CNTNAP3B: variants seen among roughly 807,000 people sequenced by gnomAD.
The protein encoded by CNTNAP3B is contactin associated protein family member 3B, also known as contactin-associated protein-like 3B.
A neutral mutation model predicts 108.9 loss-of-function variants in CNTNAP3B; 25 were observed. The ratio of observed to expected loss-of-function variants is 0.23; its 90% CI spans 0.17 to 0.32. The LOEUF is 0.32. Ranked by LOEUF, CNTNAP3B falls within the 10% of genes least tolerant of loss-of-function variation. CNTNAP3B has a pLI of 1.00. For synonymous variants in CNTNAP3B, 103 were observed against 473.4 expected (o/e 0.22, Z 10.16); for missense variants, 252 against 1,210.4 (o/e 0.21, Z 11.75).
chr9:41,939,229 G>A (rs1200949710), intron 13 of CNTNAP3B, among the ~76,000 whole-genome samples: 2 of 152,290 alleles, frequency 1.3e-5, no homozygotes, highest in Admixed American at 1.3e-4. Flanking sequence ...TCTTAAAAAA[G>A]GAAAGGGGTC....
intron 13 of CNTNAP3B, among the ~76,000 whole-genome samples, chr9:41,944,018 G>A (rs1320546688): frequency 6.6e-6 from 1 of 152,164 alleles, no homozygotes; most frequent in Non-Finnish European, 1.5e-5. Flanking sequence ...AACCATGCAA[G>A]CAAGAAGAAA....
At chr9:41,933,314 G>A (rs1162165818) in intron 14 of CNTNAP3B, among the ~76,000 whole-genome samples, 7 of 152,418 alleles carry the variant, frequency 4.6e-5, no homozygotes, top group South Asian at 4.1e-4. Flanking sequence ...CTTCCTCTCT[G>A]TGTGATGACA....
In CNTNAP3B at chr9:42,097,031, C is replaced by T. The variant is rs558211541; in HGVS notation, c.196+7598G>A. On this transcript the variant is annotated intron_variant, in intron 2 of 23. Coordinates refer to ENST00000377561, the MANE Select transcript of CNTNAP3B (RefSeq NM_001201380.3). ...CCTCCCAAAGTGCTGGGATTACAGG[C>T]GTGAACCACTGTGCCCGGTCCCGCA... Among the ~76,000 whole-genome samples, 4 of 137,816 alleles carry T rather than the reference C, an allele frequency of 2.9e-5. 1 individual carries two copies. Among genetic ancestry groups the T allele is most frequent in the East Asian group, 4.4e-4 (2 of 4,548 alleles). The allele number at this position is 137,816 out of a possible 152,430, so 90.4% of individuals were successfully genotyped here. A position where few individuals can be genotyped will look rare whatever the true frequency, so the allele number is the denominator to read the frequency against.
In CNTNAP3B at chr9:42,099,804, G is replaced by A. The variant is rs1297712297; in HGVS notation, c.196+4825C>T. Reference sequence around the variant, plus strand: ...ACTTCGTTAGACCATGAAAACACACGGGTTATCCTTGCAAAAAAGCATATA... The same window carrying A: ...ACTTCGTTAGACCATGAAAACACACAGGTTATCCTTGCAAAAAAGCATATA... On this transcript the variant is annotated intron_variant, in intron 2 of 23. Coordinates refer to ENST00000377561, the MANE Select transcript of CNTNAP3B (RefSeq NM_001201380.3). Among the ~76,000 whole-genome samples, 2 of 86,838 alleles carry A rather than the reference G, an allele frequency of 2.3e-5. 1 individual carries two copies. Among genetic ancestry groups the A allele is most frequent in the African/African-American group, 8.6e-5 (2 of 23,200 alleles). The allele number at this position is 86,838 out of a possible 152,430, so 57.0% of individuals were successfully genotyped here. A position where few individuals can be genotyped will look rare whatever the true frequency, so the allele number is the denominator to read the frequency against.
intron 3 of CNTNAP3B, among the ~76,000 whole-genome samples, chr9:42,054,438 A>G (rs534157764): frequency 6.6e-6 from 1 of 151,580 alleles, no homozygotes; most frequent in Admixed American, 6.6e-5. Flanking sequence ...CACGAGGTTC[A>G]GCCTTATAGT....
At chr9:41,974,382 TGAGAGTGGAGAC>T (rs376394633) in intron 9 of CNTNAP3B, 3 of 406,804 alleles carry the variant, frequency 7.4e-6, no homozygotes, top group African/African-American at 3.0e-5. Context: ...TACGATGGCC[TGAGAGTGGAGAC>T]CAGTGACTCA....
intron 18 of CNTNAP3B, among the ~76,000 whole-genome samples, chr9:41,916,504 A>C (rs1444570525): frequency 1.3e-5 from 2 of 152,194 alleles, no homozygotes; most frequent in East Asian, 1.9e-4. Flanking sequence ...TATTTCCTCT[A>C]ATGCAGGCTA....
intron 3 of CNTNAP3B, among the ~76,000 whole-genome samples, chr9:42,060,077 A>G (rs1235199232): frequency 6.8e-6 from 1 of 147,678 alleles, no homozygotes; most frequent in East Asian, 2.0e-4. Flanking sequence ...AGAAGTGGTG[A>G]TAGTGGGCAT....
intron 3 of CNTNAP3B, among the ~76,000 whole-genome samples, chr9:42,067,528 T>G (rs1336828948): frequency 1.3e-5 from 2 of 152,158 alleles, no homozygotes; most frequent in Non-Finnish European, 2.9e-5. Flanking sequence ...AATCTTATTT[T>G]TCCTCACACA....
Position 41,977,661 on chromosome 9 carries a change from A to C in CNTNAP3B, c.1478-7416T>G, listed in dbSNP as rs1394381382. ...GAGACGGCGTCTCACTCTGTCACCC[A>C]GGCTGGAGTGCAGTGGCGCAGTCTC... On this transcript the variant is annotated intron_variant, in intron 9 of 23. Coordinates refer to ENST00000377561, the MANE Select transcript of CNTNAP3B (RefSeq NM_001201380.3). Among the ~76,000 whole-genome samples the C allele has an allele frequency of 1.5e-4, 19 of 127,690 alleles. 1 individual carries two copies. The highest frequency in any genetic ancestry group is 5.8e-4 in the African/African-American group (18 of 30,830). 83.8% of individuals were successfully genotyped at this position (127,690 alleles called of 152,430 possible).
rs1308019436 is a variant in CNTNAP3B, at chr9:41,943,792, A to G, written c.2081-5392T>C. Among the ~76,000 whole-genome samples the G allele has an allele frequency of 2.6e-4, 39 of 152,384 alleles. No homozygotes were observed. In the East Asian group the frequency reaches 7.1e-3, roughly 28 times the overall value. ...GTTTCAAAATTAATGACAGACATGA[A>G]ACCATAGGTTCAGGAATCTCAGCAA... On this transcript the variant is annotated intron_variant, in intron 13 of 23. Coordinates refer to ENST00000377561, the MANE Select transcript of CNTNAP3B (RefSeq NM_001201380.3).
intron 11 of CNTNAP3B, among the ~76,000 whole-genome samples, chr9:41,962,749 A>T (rs1169531232): frequency 4.0e-5 from 6 of 151,736 alleles, no homozygotes; most frequent in Admixed American, 3.3e-4. Context: ...AGGTCAGGAG[A>T]TCGAGACCAT....
intron 18 of CNTNAP3B, among the ~76,000 whole-genome samples, chr9:41,919,373 C>T (rs1427901112): frequency 6.6e-6 from 1 of 151,790 alleles, no homozygotes; most frequent in East Asian, 1.9e-4. Flanking sequence ...CTTGGCCTCC[C>T]AAAGTGCTGG....
chr9:42,112,173 C>G (rs1229792113), intron 1 of CNTNAP3B, among the ~76,000 whole-genome samples: 1 of 140,064 alleles, frequency 7.1e-6, no homozygotes, highest in Admixed American at 7.1e-5. Flanking sequence ...TGACCGCTCA[C>G]CCGATGACAT....
chr9:41,918,352 G>A (rs2117925504), intron 18 of CNTNAP3B, among the ~76,000 whole-genome samples: 1 of 148,326 alleles, frequency 6.7e-6, no homozygotes, highest in African/African-American at 2.5e-5. Context: ...AGTATTCTGA[G>A]AGAGAAAAGT....
chr9:41,917,952 C>A (rs1823563458), intron 18 of CNTNAP3B, among the ~76,000 whole-genome samples: 2 of 152,310 alleles, frequency 1.3e-5, no homozygotes, highest in Admixed American at 6.5e-5. Context: ...TTAAATGCCT[C>A]AAACTCTCAC....
In CNTNAP3B at chr9:42,090,898, T is replaced by C. The variant is rs1827808665; in HGVS notation, c.196+13731A>G. On this transcript the variant is annotated intron_variant, in intron 2 of 23. Coordinates refer to ENST00000377561, the MANE Select transcript of CNTNAP3B (RefSeq NM_001201380.3). ...TCAGCTTCAGGAAAACTGGTGCCAT[T>C]ACATAAAATATAAAGTTCTTGAAAT... 2.4e-5 allele frequency among the ~76,000 whole-genome samples: 2 copies of C among 82,268 alleles called. 1 individual carries two copies. Among genetic ancestry groups the C allele is most frequent in the African/African-American group, 9.4e-5 (2 of 21,304 alleles). 54.0% of individuals were successfully genotyped at this position (82,268 alleles called of 152,430 possible).
chr9:41,952,981 G>T (rs1824738188), intron 13 of CNTNAP3B, among the ~76,000 whole-genome samples: 1 of 152,240 alleles, frequency 6.6e-6, no homozygotes, highest in African/African-American at 2.4e-5. Flanking sequence ...TGAACGCGCT[G>T]AACGTCTCTC....
chr9:42,033,221 T>C (rs1489805620), intron 3 of CNTNAP3B, among the ~76,000 whole-genome samples: 1 of 144,532 alleles, frequency 6.9e-6, no homozygotes, highest in African/African-American at 2.7e-5. Flanking sequence ...TGTTGGTTAA[T>C]ATTCTTGAAA....
Sources: allele counts gnomAD v4.1 joint callset (sites outside exome capture counted in the v4.1 genomes callset), GRCh38; gene constraint gnomAD v4.1.1; transcripts MANE v1.5; gene names NCBI Gene and HGNC (gene_info 2026-07-23, HGNC 2026-07-21).